DLG2: variants seen among roughly 807,000 people sequenced by gnomAD.
The protein encoded by DLG2 is disks large homolog 2.
DLG2 carries 45 observed loss-of-function variants against 132.5 expected under a neutral mutation model. The observed-to-expected ratio is 0.34, with a 90% CI of 0.27 to 0.44. DLG2 has a LOEUF of 0.44. Among genes scored for constraint, DLG2 ranks in the 20% least tolerant of loss-of-function variants. The pLI is 1.00. For missense variants in DLG2, 1,045 were observed against 1,196.9 expected (o/e 0.87, Z 1.87); for synonymous variants, 424 against 419.6 (o/e 1.01, Z -0.13).
At chr11:84,262,570 T>C (rs764324565) in intron 7 of DLG2, among the ~76,000 whole-genome samples, 1 of 152,114 alleles carries the variant, frequency 6.6e-6, no homozygotes, top group Non-Finnish European at 1.5e-5. Flanking sequence ...CAGGTGGTAT[T>C]TGGTTACACA....
At chr11:85,492,280 G>A (rs775375574) in intron 3 of DLG2, among the ~76,000 whole-genome samples, 8 of 152,082 alleles carry the variant, frequency 5.3e-5, no homozygotes, top group Non-Finnish European at 8.8e-5. Context: ...GGCAAAAACC[G>A]CAATTACTTC....
chr11:84,379,353 A>G (rs1354633192), intron 7 of DLG2, among the ~76,000 whole-genome samples: 1 of 152,122 alleles, frequency 6.6e-6, no homozygotes, highest in Non-Finnish European at 1.5e-5. Context: ...TGAACAAAGA[A>G]CCAAATAAAA....
At position 84,845,573 on chromosome 11, in the gene DLG2, T is replaced by C. The variant is rs372478733; in HGVS notation, c.357+266088A>G. ...CTTATAGATCATTGATGAAATCTAA[T>C]GGACATCTGTTTGTCTTTATCTTAT... On this transcript the variant is annotated intron_variant, in intron 6 of 27. Transcript: ENST00000376104. Among the ~76,000 whole-genome samples the C allele has an allele frequency of 2.3e-4, 35 of 152,248 alleles. No homozygotes were observed. The East Asian group carries it at 5.8e-3, about 25-fold the overall frequency.
chr11:85,123,371 C>T (rs349073), intron 5 of DLG2, among the ~76,000 whole-genome samples: 48,525 of 151,770 alleles, frequency 0.32, 8,001 homozygotes, highest in South Asian at 0.53. Flanking sequence ...AATAGGGATT[C>T]TATTGTAGAA....
chr11:84,887,490 A>C (rs2088538938), intron 6 of DLG2: 1 of 152,120 alleles, frequency 6.6e-6, no homozygotes, highest in Non-Finnish European at 1.5e-5. Context: ...ATAACAACTG[A>C]CATGCCACAA....
At chr11:85,213,056 A>G (rs1595432994) in intron 4 of DLG2, among the ~76,000 whole-genome samples, 1 of 152,186 alleles carries the variant, frequency 6.6e-6, no homozygotes, top group Non-Finnish European at 1.5e-5. Context: ...TGATAGGACC[A>G]CAAAGGCATA....
At chr11:84,708,309 AAT>A (rs1462415082) in intron 6 of DLG2, among the ~76,000 whole-genome samples, 1 of 151,898 alleles carries the variant, frequency 6.6e-6, no homozygotes, top group Non-Finnish European at 1.5e-5. Flanking sequence ...ATTATTTTAA[AAT>A]ATGAGTGAGA....
intron 18 of DLG2, among the ~76,000 whole-genome samples, chr11:83,719,472 A>T (rs2087737117): frequency 6.6e-6 from 1 of 152,210 alleles, no homozygotes. Flanking sequence ...CTGTACAAGA[A>T]ACATGGCACC....
chr11:84,904,554 G>C (rs1264477609), intron 6 of DLG2, among the ~76,000 whole-genome samples: 1 of 152,076 alleles, frequency 6.6e-6, no homozygotes, highest in Non-Finnish European at 1.5e-5. Context: ...TCTTTTGCTA[G>C]AAATGGCTTT....
At chr11:84,368,616 C>A (rs1051306532) in intron 7 of DLG2, among the ~76,000 whole-genome samples, 3 of 152,034 alleles carry the variant, frequency 2.0e-5, no homozygotes, top group African/African-American at 7.2e-5. Flanking sequence ...TTAGATGCAT[C>A]CTGGTTGTAT....
At chr11:84,338,276 AC>A (rs2098497191) in intron 7 of DLG2, among the ~76,000 whole-genome samples, 1 of 152,076 alleles carries the variant, frequency 6.6e-6, no homozygotes, top group Non-Finnish European at 1.5e-5. Context: ...CGAGATTCCA[AC>A]CCCAAGCCTA....
intron 6 of DLG2, among the ~76,000 whole-genome samples, chr11:84,548,877 G>C (rs2099396120): frequency 6.6e-6 from 1 of 152,072 alleles, no homozygotes; most frequent in African/African-American, 2.4e-5. Flanking sequence ...GAAGAGGTCT[G>C]GAAGAATATA....
chr11:84,360,051 C>T (rs1403754977), intron 7 of DLG2, among the ~76,000 whole-genome samples: 2 of 151,802 alleles, frequency 1.3e-5, no homozygotes, highest in Non-Finnish European at 1.5e-5. Flanking sequence ...TAATTTTACC[C>T]CATCACCCCA....
chr11:84,639,491 T>C (rs1241009445), intron 6 of DLG2, among the ~76,000 whole-genome samples: 1 of 152,168 alleles, frequency 6.6e-6, no homozygotes, highest in East Asian at 1.9e-4. Context: ...CTAATACTTA[T>C]TATAAAGGTT....
rs551689392 is a variant in DLG2 at position 84,733,152 on chromosome 11, A to G, written c.358-198421T>C. On this transcript the variant is annotated intron_variant, in intron 6 of 27. Coordinates refer to ENST00000376104, the MANE Select transcript of DLG2 (RefSeq NM_001142699.3). ...ATGATTTATAATCCTTTGGGTATAT[A>G]CCCAGTAATGGGATTGCTGGGTCAA... Among the ~76,000 whole-genome samples, 35 of 152,306 alleles carry G rather than the reference A, an allele frequency of 2.3e-4. 2 individuals are homozygous for G. In the South Asian group the frequency reaches 6.8e-3, roughly 30 times the overall value.
chr11:84,783,141 A>T (rs1185033531), intron 6 of DLG2, among the ~76,000 whole-genome samples: 1 of 152,178 alleles, frequency 6.6e-6, no homozygotes, highest in Non-Finnish European at 1.5e-5. Flanking sequence ...AATCAATCTT[A>T]CATCCTCAGC....
At chr11:84,006,414 AT>A (rs1166704394) in intron 11 of DLG2, among the ~76,000 whole-genome samples, 1 of 151,702 alleles carries the variant, frequency 6.6e-6, no homozygotes, top group Non-Finnish European at 1.5e-5. Context: ...TGTATTGTAC[AT>A]TTCAAAGTAG....
At chr11:83,793,952 C>A (rs1398987853) in intron 17 of DLG2, among the ~76,000 whole-genome samples, 2 of 152,056 alleles carry the variant, frequency 1.3e-5, no homozygotes, top group Non-Finnish European at 2.9e-5. Flanking sequence ...GTTTGTCTAG[C>A]ACTTATACAT....
At chr11:84,811,109 C>G (rs2076511094) in intron 6 of DLG2, among the ~76,000 whole-genome samples, 3 of 152,108 alleles carry the variant, frequency 2.0e-5, no homozygotes, top group African/African-American at 7.2e-5. Context: ...TTATTTCTGA[C>G]AACTGCATGT....
Sources: gnomAD v4.1 joint callset for allele counts (sites outside exome capture counted in the v4.1 genomes callset) on GRCh38, gnomAD v4.1.1 for gene constraint, MANE v1.5 for transcripts, NCBI Gene and HGNC (gene_info 2026-07-23, HGNC 2026-07-21) for gene names.